The following SNX31 variants were observed in gnomAD, a reference collection of about 807,000 sequenced individuals.
SNX31 encodes the protein sorting nexin 31, also known as sorting nexin-31.
In SNX31, 58 loss-of-function variants were observed where a neutral mutation model predicts 65.4. The observed-to-expected ratio is 0.89, with a 90% CI of 0.72 to 1.10. The LOEUF (loss-of-function observed/expected upper bound fraction) is 1.10, where lower values mean the gene tolerates loss of function less well. Among genes scored for constraint, SNX31 ranks in the 50% least tolerant of loss-of-function variants. The pLI, the probability that SNX31 is intolerant of heterozygous loss-of-function variation, is 0.00. For missense variants in SNX31, 523 were observed against 529.7 expected, an observed-to-expected ratio of 0.99 and a Z score of 0.12; for synonymous variants, 181 against 190.1, an observed-to-expected ratio of 0.95 and a Z score of 0.39.
chr8:100,601,723 T>C (rs1230544909), intron 8 of SNX31, among the ~76,000 whole-genome samples: 2 of 152,214 alleles, frequency 1.3e-5, no homozygotes, highest in Admixed American at 1.3e-4. Flanking sequence ...AAATCCCTAA[T>C]GGGGTTCTTG....
intron 8 of SNX31, 27 bp downstream of exon 8, chr8:100,608,467 G>A: frequency 6.2e-7 from 1 of 1,610,078 alleles, no homozygotes; most frequent in South Asian, 1.1e-5. Context: ...GATCTACGGT[G>A]CTGTCTGAGC....
chr8:100,649,202 C>A, intron 2 of SNX31, 72 bp downstream of exon 2: 1 of 1,493,990 alleles, frequency 6.7e-7, no homozygotes, highest in East Asian at 2.3e-5. Flanking sequence ...GTCAGAGGAA[C>A]AGAGCGCTTT....
chr8:100,641,589 TATATATACAC>T (rs1275960219), intron 2 of SNX31, among the ~76,000 whole-genome samples: 75 of 22,262 alleles, frequency 3.4e-3, no homozygotes, highest in African/African-American at 0.026. Context: ...TATATATATA[TATATATACAC>T]ATACACACAC....
intron 1 of SNX31, among the ~76,000 whole-genome samples, chr8:100,656,906 T>G (rs1820061525): frequency 6.6e-6 from 1 of 152,180 alleles, no homozygotes; most frequent in Non-Finnish European, 1.5e-5. Context: ...GATTCCCAGA[T>G]GTGACCCTGC....
intron 2 of SNX31, among the ~76,000 whole-genome samples, chr8:100,641,895 G>T (rs1043562270): frequency 7.3e-5 from 11 of 151,108 alleles, no homozygotes; most frequent in African/African-American, 2.7e-4. Context: ...TGGCTAACGC[G>T]GTGAAACCCC....
intron 4 of SNX31, among the ~76,000 whole-genome samples, chr8:100,627,448 C>T (rs1818117760): frequency 6.6e-6 from 1 of 152,120 alleles, no homozygotes; most frequent in African/African-American, 2.4e-5. Context: ...CAGAATGCAC[C>T]CCAAAAAGAC....
At chr8:100,659,819 C>A (rs149810005) in intron 1 of SNX31, among the ~76,000 whole-genome samples, 12 of 152,172 alleles carry the variant, frequency 7.9e-5, no homozygotes, top group South Asian at 2.1e-4. Context: ...TTATAAGTTA[C>A]CCCCAACCAC....
At chr8:100,583,923 T>C (rs771117032) in intron 12 of SNX31, among the ~76,000 whole-genome samples, 188 bp downstream of exon 12, 1 of 152,210 alleles carries the variant, frequency 6.6e-6, no homozygotes, top group Non-Finnish European at 1.5e-5. Flanking sequence ...AAAGACAGGC[T>C]TCCTTCTGCC....
chr8:100,636,712 A>ATTTC (rs112969618), intron 2 of SNX31, among the ~76,000 whole-genome samples: 11 of 151,714 alleles, frequency 7.3e-5, no homozygotes, highest in East Asian at 1.9e-4. Flanking sequence ...GGTGACTCAT[A>ATTTC]TTTCTTTCTT....
At chr8:100,607,033 T>G (rs1816228192) in intron 8 of SNX31, among the ~76,000 whole-genome samples, 1 of 152,030 alleles carries the variant, frequency 6.6e-6, no homozygotes, top group South Asian at 2.1e-4. Flanking sequence ...AGTAAACAAA[T>G]ATACACAACA....
chr8:100,640,647 G>C (rs1392508346), intron 2 of SNX31, among the ~76,000 whole-genome samples: 1 of 152,200 alleles, frequency 6.6e-6, no homozygotes, highest in Non-Finnish European at 1.5e-5. Context: ...CTCTTGATAC[G>C]ATGTGATTAG....
In SNX31 at chr8:100,622,791, T is replaced by C. The variant is rs1266629691; in HGVS notation, c.322-5061A>G. 6.6e-6 allele frequency among the ~76,000 whole-genome samples: 1 copy of C among 152,186 alleles called. No individual in the cohort carries two copies. Among genetic ancestry groups the C allele is most frequent in the Non-Finnish European group, 1.5e-5 (1 of 68,040 alleles). On this transcript the variant is annotated intron_variant, in intron 4 of 13. Coordinates refer to ENST00000311812, the MANE Select transcript of SNX31 (RefSeq NM_152628.4). The surrounding 1 kb of genome is among the most constrained non-coding windows in gnomAD (Gnocchi z 5.0). The stretch of plus-strand genomic sequence containing the variant: ...CGACTGCATACTTATCCTACAGATA[T>C]GTAAGAAGAGAATATTAAGGCTAAA...
chr8:100,628,151 A>T (rs1349812433), intron 4 of SNX31, among the ~76,000 whole-genome samples: 1 of 152,202 alleles, frequency 6.6e-6, no homozygotes, highest in Non-Finnish European at 1.5e-5. Context: ...GGGACTGTAA[A>T]CTAGTTCAAC....
chr8:100,623,031 T>A (rs1817808711), intron 4 of SNX31, among the ~76,000 whole-genome samples: 2 of 152,264 alleles, frequency 1.3e-5, no homozygotes, highest in African/African-American at 4.8e-5. Flanking sequence ...TTCACATTGC[T>A]ATAAAGAAAT....
At chr8:100,659,936 C>T (rs898406693) in intron 1 of SNX31, among the ~76,000 whole-genome samples, 7 of 151,914 alleles carry the variant, frequency 4.6e-5, no homozygotes, top group Non-Finnish European at 7.4e-5. Flanking sequence ...ATGAGACAAA[C>T]TCTTTGATCT....
At chr8:100,580,056 G>T (rs929174034) in intron 12 of SNX31, among the ~76,000 whole-genome samples, 2 of 151,684 alleles carry the variant, frequency 1.3e-5, no homozygotes, top group Non-Finnish European at 2.9e-5. Context: ...AGGTACTTAG[G>T]AGACTGCAGT....
intron 8 of SNX31, among the ~76,000 whole-genome samples, chr8:100,606,162 G>A (rs1226795180): frequency 6.6e-6 from 1 of 152,030 alleles, no homozygotes; most frequent in Non-Finnish European, 1.5e-5. Context: ...AGCCTCCTGA[G>A]TAGCTGGGAC....
chr8:100,641,658 ATGTATG>A (rs1423291884), intron 2 of SNX31, among the ~76,000 whole-genome samples: 5 of 35,822 alleles, frequency 1.4e-4, no homozygotes, highest in African/African-American at 7.6e-4. Context: ...ATATATATAT[ATGTATG>A]GTACTTGCCT....
chr8:100,580,156 TAAAAAAA>T (rs10608114), intron 12 of SNX31, among the ~76,000 whole-genome samples: 177 of 124,532 alleles, frequency 1.4e-3, no homozygotes, highest in Non-Finnish European at 2.3e-3. Flanking sequence ...AGCCTGTCTT[TAAAAAAA>T]AAAAAAAAAA....
Sources: gnomAD v4.1 joint callset for allele counts (sites outside exome capture counted in the v4.1 genomes callset) on GRCh38, gnomAD v4.1.1 for gene constraint, Gnocchi (gnomAD v3.1) non-coding constraint, MANE v1.5 for transcripts, NCBI Gene and HGNC (gene_info 2026-07-23, HGNC 2026-07-21) for gene names.